The following DTD1 variants were observed in gnomAD, a reference collection of about 807,000 sequenced individuals.
DTD1 encodes the protein D-tyrosyl-tRNA deacylase 1 homolog.
A neutral mutation model predicts 25.6 loss-of-function variants in DTD1; 13 were observed. The observed-to-expected ratio is 0.51, with a 90% confidence interval of 0.33 to 0.81. The LOEUF is 0.81. Ranked by LOEUF, DTD1 falls within the 30% of genes least tolerant of loss-of-function variation. The pLI, the probability that DTD1 is intolerant of heterozygous loss-of-function variation, is 0.02. For missense variants in DTD1, 193 were observed against 266.4 expected, an observed-to-expected ratio of 0.72 and a Z score of 1.92; for synonymous variants, 110 against 103.6, an observed-to-expected ratio of 1.06 and a Z score of -0.37.
At chr20:18,722,771 G>C (rs1348746073) in intron 4 of DTD1, among the ~76,000 whole-genome samples, 2 of 152,126 alleles carry the variant, frequency 1.3e-5, no homozygotes, top group Non-Finnish European at 2.9e-5. Flanking sequence ...GGCTGTCTTC[G>C]GTGTAGAAGT....
chr20:18,728,875 T>C (rs975981268), intron 4 of DTD1, among the ~76,000 whole-genome samples: 1 of 152,188 alleles, frequency 6.6e-6, no homozygotes, highest in Non-Finnish European at 1.5e-5. Flanking sequence ...TCCAATTTCA[T>C]TGTTAGCACA....
intron 4 of DTD1, among the ~76,000 whole-genome samples, chr20:18,659,079 A>G (rs1449113515): frequency 6.6e-6 from 1 of 152,266 alleles, no homozygotes; most frequent in Non-Finnish European, 1.5e-5. Flanking sequence ...AAAAAAAGAA[A>G]AAGCGTAAGC....
intron 4 of DTD1, chr20:18,642,856 G>T: frequency 6.3e-6 from 1 of 158,944 alleles, no homozygotes; most frequent in South Asian, 1.7e-4. Flanking sequence ...CTAGATCTTT[G>T]ATTTTGGAAC....
chr20:18,608,640 A>G (rs918042629), intron 3 of DTD1, among the ~76,000 whole-genome samples: 1 of 152,198 alleles, frequency 6.6e-6, no homozygotes, highest in Non-Finnish European at 1.5e-5. Flanking sequence ...TAAGTCTTCA[A>G]AACTTTGTGT....
At position 18,751,613 on chromosome 20, in the gene DTD1, C is replaced by T. The variant is rs1425625462; in HGVS notation, c.*19+7342C>T. ...GTTCAAGCGATTCTTGTGCCTCAGC[C>T]TCCCTAGTAGCTGAGATTAAAGGCA... On this transcript the variant is annotated intron_variant, in intron 5 of 5. Transcript: ENST00000377452. Among the ~76,000 whole-genome samples, 3 of 152,070 alleles carry T rather than the reference C, an allele frequency of 2.0e-5. No individual in the cohort carries two copies. The East Asian group carries it at 5.8e-4, about 29-fold the overall frequency.
intron 2 of DTD1, among the ~76,000 whole-genome samples, chr20:18,595,667 C>T (rs1379758023): frequency 6.6e-6 from 1 of 152,202 alleles, no homozygotes; most frequent in African/African-American, 2.4e-5. Context: ...CAATTGGACC[C>T]ATGTTTTGAC....
chr20:18,725,367 A>G (rs569495125), intron 4 of DTD1, among the ~76,000 whole-genome samples: 2 of 152,318 alleles, frequency 1.3e-5, no homozygotes, highest in South Asian at 4.1e-4. Context: ...AGTTTGGTCC[A>G]GTGTCTGAGC....
chr20:18,655,795 A>G (rs1316599815), intron 4 of DTD1, among the ~76,000 whole-genome samples: 3 of 150,464 alleles, frequency 2.0e-5, no homozygotes, highest in Non-Finnish European at 3.0e-5. Context: ...TTTGAGAGGG[A>G]GTTTCACTCT....
chr20:18,702,029 A>C (rs1006318117), intron 4 of DTD1, among the ~76,000 whole-genome samples: 2 of 152,192 alleles, frequency 1.3e-5, no homozygotes, highest in Non-Finnish European at 2.9e-5. Flanking sequence ...TGACAGGAGA[A>C]ATTTGTCTAC....
intron 4 of DTD1, among the ~76,000 whole-genome samples, chr20:18,706,483 TG>T (rs1283545792): frequency 4.6e-5 from 7 of 152,226 alleles, no homozygotes; most frequent in Non-Finnish European, 1.0e-4. Context: ...ACAGGTAACC[TG>T]TCAGGTGGGT....
chr20:18,708,297 A>ATATATATT (rs1491282962), intron 4 of DTD1, among the ~76,000 whole-genome samples: 1 of 38,656 alleles, frequency 2.6e-5, no homozygotes, highest in Non-Finnish European at 4.8e-5. Flanking sequence ...ATATATATAT[A>ATATATATT]ATATATATAT....
chr20:18,589,997 C>T (rs746612038), intron 1 of DTD1, among the ~76,000 whole-genome samples: 5 of 152,142 alleles, frequency 3.3e-5, no homozygotes, highest in Non-Finnish European at 7.4e-5. Context: ...TTTCTGATTC[C>T]TTTAAAATGT....
In DTD1 at chr20:18,596,080, A is replaced by G. The variant is rs11545149; in HGVS notation, c.209A>G (p.Lys70Arg). The G allele has an allele frequency of 6.2e-7, 1 of 1,614,144 alleles. No individual in the cohort carries two copies. Among genetic ancestry groups the G allele is most frequent in the South Asian group, 1.1e-5 (1 of 91,076 alleles). ...CACTGGTCGAAGAGTGTGATGGACA[A>G]ACAGTACGAGATTCTGTGTGTCAGC... ...GKHWSKSVMD[K>R]QYEILCVSQF... Residue 70 changes from lysine (K) to arginine (R), a missense_variant, in exon 3 of 6, where the codon AAA becomes AGA. By Grantham distance (26) the Lys-to-Arg change is conservative. Transcript: ENST00000377452.
At chr20:18,727,772 T>G (rs2061227507) in intron 4 of DTD1, among the ~76,000 whole-genome samples, 1 of 152,204 alleles carries the variant, frequency 6.6e-6, no homozygotes, top group Admixed American at 6.5e-5. Flanking sequence ...GTGCATGGCT[T>G]CTTTCACAGA....
intron 4 of DTD1, among the ~76,000 whole-genome samples, chr20:18,695,954 A>G (rs2061074564): frequency 6.6e-6 from 1 of 152,160 alleles, no homozygotes; most frequent in Non-Finnish European, 1.5e-5. Flanking sequence ...CTGGGATTAT[A>G]GGCGTGAGCC....
chr20:18,591,171 T>A (rs1041783050), intron 1 of DTD1, among the ~76,000 whole-genome samples: 3 of 152,200 alleles, frequency 2.0e-5, no homozygotes, highest in African/African-American at 7.2e-5. Flanking sequence ...CTTCTACTTG[T>A]CCCTGGAGGG....
chr20:18,649,113 G>A (rs2060862866), intron 4 of DTD1, among the ~76,000 whole-genome samples: 1 of 151,264 alleles, frequency 6.6e-6, no homozygotes, highest in African/African-American at 2.4e-5. Context: ...CAGAACAGTG[G>A]GAACTAACAT....
intron 4 of DTD1, among the ~76,000 whole-genome samples, chr20:18,714,819 TAGA>T (rs2061173919): frequency 6.6e-6 from 1 of 152,212 alleles, no homozygotes; most frequent in Admixed American, 6.5e-5. Context: ...CTATTTCAAC[TAGA>T]AGATTTCTTT....
intron 5 of DTD1, among the ~76,000 whole-genome samples, chr20:18,756,192 T>G (rs1480315810): frequency 6.6e-6 from 1 of 152,156 alleles, no homozygotes; most frequent in African/African-American, 2.4e-5. Context: ...TTGAGTACAC[T>G]GCAAAAATTT....
Sources: gnomAD v4.1 joint callset for allele counts (sites outside exome capture counted in the v4.1 genomes callset) on GRCh38, gnomAD v4.1.1 for gene constraint, MANE v1.5 for transcripts, NCBI Gene and HGNC (gene_info 2026-07-23, HGNC 2026-07-21) for gene names.